Variants in SH3GL1 observed in about 807,000 individuals in gnomAD.
SH3GL1 encodes the protein SH3 domain containing GRB2 like 1, endophilin A2, also known as endophilin-A2.
Under a neutral mutation model 48.8 loss-of-function variants are expected in SH3GL1, and 21 were observed. That is an observed-to-expected ratio of 0.43 (90% CI 0.30 to 0.62). The LOEUF (loss-of-function observed/expected upper bound fraction) is 0.62. Ranked by LOEUF, SH3GL1 falls within the 20% of genes least tolerant of loss-of-function variation. SH3GL1 has a pLI of 0.11. For synonymous variants in SH3GL1, 282 were observed against 217.5 expected, an observed-to-expected ratio of 1.30 and a Z score of -2.61; for missense variants, 454 against 503.0, an observed-to-expected ratio of 0.90 and a Z score of 0.93.
intron 1 of SH3GL1, among the ~76,000 whole-genome samples, chr19:4,399,225 CAGG>C (rs1038117773): frequency 1.4e-5 from 2 of 141,104 alleles, no homozygotes; most frequent in African/African-American, 2.7e-5. Flanking sequence ...GAGGCTGAGG[CAGG>C]AGAATTGCTT....
chr19:4,386,707 G>A (rs1054493745), intron 1 of SH3GL1, among the ~76,000 whole-genome samples: 13 of 151,888 alleles, frequency 8.6e-5, no homozygotes, highest in African/African-American at 2.9e-4. Context: ...CAGGCACTCA[G>A]GACCTGGCTG....
At chr19:4,391,352 G>C (rs1438111576) in intron 1 of SH3GL1, among the ~76,000 whole-genome samples, 1 of 152,148 alleles carries the variant, frequency 6.6e-6, no homozygotes, top group African/African-American at 2.4e-5. Flanking sequence ...CTGTTATTAG[G>C]GGCACCTGGA....
chr19:4,398,924 G>T (rs1401209050), intron 1 of SH3GL1, among the ~76,000 whole-genome samples: 1 of 152,150 alleles, frequency 6.6e-6, no homozygotes. Flanking sequence ...TGTAGTAATG[G>T]TAACAGAAAA....
chr19:4,368,324 G>A (rs1423351258), intron 1 of SH3GL1, among the ~76,000 whole-genome samples: 2 of 152,234 alleles, frequency 1.3e-5, no homozygotes, highest in Non-Finnish European at 2.9e-5. Flanking sequence ...CCCAGCCTGG[G>A]AGGAAGTGAC....
chr19:4,390,174 C>T (rs1447126549), intron 1 of SH3GL1: 1 of 152,282 alleles, frequency 6.6e-6, no homozygotes, highest in African/African-American at 2.4e-5. Context: ...GAGGAGGTCT[C>T]CCCGTGACCC....
At chr19:4,378,101 G>A (rs757424540) in intron 1 of SH3GL1, among the ~76,000 whole-genome samples, 74 of 152,220 alleles carry the variant, frequency 4.9e-4, no homozygotes, top group Non-Finnish European at 9.4e-4. Flanking sequence ...GGCAGAGGCA[G>A]CACAGGGCCT....
chr19:4,375,087 G>A (rs1418298620), intron 1 of SH3GL1, among the ~76,000 whole-genome samples: 1 of 152,190 alleles, frequency 6.6e-6, no homozygotes, highest in Non-Finnish European at 1.5e-5. Flanking sequence ...GCACCTACGA[G>A]ACCCACCTGC....
At chr19:4,371,971 G>T (rs1271675466) in intron 1 of SH3GL1, among the ~76,000 whole-genome samples, 1 of 152,202 alleles carries the variant, frequency 6.6e-6, no homozygotes, top group Non-Finnish European at 1.5e-5. Flanking sequence ...CTGTGACAAG[G>T]CCTCATCTTT....
At chr19:4,378,014 C>T (rs369449409) in intron 1 of SH3GL1, among the ~76,000 whole-genome samples, 5 of 152,214 alleles carry the variant, frequency 3.3e-5, no homozygotes, top group South Asian at 4.1e-4. Flanking sequence ...GACAGGCTCT[C>T]GTCGCCAACC....
chr19:4,378,395 C>G (rs1322931131), intron 1 of SH3GL1, among the ~76,000 whole-genome samples: 1 of 152,090 alleles, frequency 6.6e-6, no homozygotes, highest in Non-Finnish European at 1.5e-5. Context: ...TCTCAACCAT[C>G]TCAGGCGTGG....
intron 1 of SH3GL1, among the ~76,000 whole-genome samples, chr19:4,378,706 ACT>A (rs1358562437): frequency 1.3e-5 from 2 of 151,242 alleles, no homozygotes; most frequent in African/African-American, 2.4e-5. Flanking sequence ...CAAGAGTAAA[ACT>A]CTCTCAAAAA....
chr19:4,360,437 G>A lies in SH3GL1; in HGVS notation c.*1163C>T, dbSNP rs994011452. On this transcript the variant is annotated 3_prime_UTR_variant, in exon 10 of 10. Transcript: ENST00000269886. ...CGTACATTTCAGTTTGCCCTGGACC[G>A]TGCCCAAAGCTGTGTGCTCATCTCT... 14 of 240,422 alleles carry A rather than the reference G, an allele frequency of 5.8e-5. No homozygotes were observed. The highest frequency in any genetic ancestry group is 9.0e-5 in the Non-Finnish European group (11 of 122,516). The allele number at this position is 240,422 out of a possible 1,614,324, so 14.9% of individuals were successfully genotyped here. A position where few individuals can be genotyped will look rare whatever the true frequency, so the allele number is the denominator to read the frequency against.
intron 1 of SH3GL1, among the ~76,000 whole-genome samples, chr19:4,374,920 G>C (rs570858157): frequency 6.6e-6 from 1 of 152,330 alleles, no homozygotes; most frequent in Admixed American, 6.5e-5. Context: ...CTCACCGCCC[G>C]TCTGGCAGAA....
In SH3GL1 at chr19:4,367,844, C is replaced by G. The variant is rs1236385309; in HGVS notation, c.46-850G>C. On this transcript the variant is annotated intron_variant, in intron 1 of 9. Coordinates refer to ENST00000269886, the MANE Select transcript of SH3GL1 (RefSeq NM_003025.4). The surrounding 1 kb of genome is among the most constrained non-coding windows in gnomAD (Gnocchi z 4.2). ...TGAGCACAGGCGTTGCTTTCTTCAC[C>G]CCACGTATCCCATGTGTGCCTGGCG... 1.3e-5 allele frequency among the ~76,000 whole-genome samples: 2 copies of G among 152,238 alleles called. No individual in the cohort carries two copies. Among genetic ancestry groups the G allele is most frequent in the Admixed American group, 1.3e-4 (2 of 15,288 alleles).
intron 1 of SH3GL1, among the ~76,000 whole-genome samples, chr19:4,393,349 G>C (rs1235931856): frequency 6.6e-6 from 1 of 152,132 alleles, no homozygotes; most frequent in Non-Finnish European, 1.5e-5. Flanking sequence ...GCCAAGCACA[G>C]AGGCTCACGC....
At chr19:4,390,094 A>G (rs1973308621) in intron 1 of SH3GL1, 1 of 152,364 alleles carries the variant, frequency 6.6e-6, no homozygotes, top group African/African-American at 2.4e-5. Context: ...GCCCCCTCCC[A>G]GGCGGTCAGT....
chr19:4,389,232 G>A lies in SH3GL1; in HGVS notation c.45+11092C>T, dbSNP rs1476505095. On this transcript the variant is annotated intron_variant, in intron 1 of 9. Transcript: ENST00000269886. This position sits in a 1 kb window ranked among gnomAD's most constrained non-coding sequence, Gnocchi z 4.5. ...GCACAGCCCAGCCTCAGGAGCTGCC[G>A]TCCGATGGGAGGAGAGCACCTCACA... Among the ~76,000 whole-genome samples the A allele has an allele frequency of 4.6e-5, 7 of 152,196 alleles. No homozygotes were observed. The highest frequency in any genetic ancestry group is 1.4e-4 in the African/African-American group (6 of 41,448).
intron 3 of SH3GL1, 119 bp downstream of exon 3, chr19:4,366,382 T>C: frequency 1.3e-6 from 1 of 769,130 alleles, no homozygotes; most frequent in Non-Finnish European, 2.2e-6. Flanking sequence ...CACTCCGGGA[T>C]CCAGCTGTGC....
chr19:4,383,473 ATCC>A (rs1246800046), intron 1 of SH3GL1, among the ~76,000 whole-genome samples: 1 of 151,972 alleles, frequency 6.6e-6, no homozygotes, highest in Non-Finnish European at 1.5e-5. Context: ...GGCTCAAGCC[ATCC>A]TCCTGCCTCA....
Sources: gnomAD v4.1 joint callset for allele counts (sites outside exome capture counted in the v4.1 genomes callset) on GRCh38, gnomAD v4.1.1 for gene constraint, Gnocchi (gnomAD v3.1) non-coding constraint, MANE v1.5 for transcripts, NCBI Gene and HGNC (gene_info 2026-07-23, HGNC 2026-07-21) for gene names.